PTPRK: variants seen among roughly 807,000 people sequenced by gnomAD.
PTPRK encodes protein tyrosine phosphatase receptor type K.
PTPRK carries 75 observed loss-of-function variants against 178.0 expected under a neutral mutation model. The observed-to-expected ratio is 0.42, with a 90% CI of 0.35 to 0.51. PTPRK has a LOEUF of 0.51. Among genes scored for constraint, PTPRK ranks in the 20% least tolerant of loss-of-function variants. PTPRK has a pLI of 0.02. For missense variants in PTPRK, 1,441 were observed against 1,797.8 expected, an observed-to-expected ratio of 0.80 and a Z score of 3.59; for synonymous variants, 637 against 620.6, an observed-to-expected ratio of 1.03 and a Z score of -0.39.
At chr6:128,090,730 C>T (rs569406550) in intron 7 of PTPRK, among the ~76,000 whole-genome samples, 42 of 152,152 alleles carry the variant, frequency 2.8e-4, no homozygotes, top group African/African-American at 9.7e-4. Context: ...TTCACTGCTT[C>T]CCAAGTGTAT....
At position 128,400,734 on chromosome 6, in the gene PTPRK, G is replaced by T. The variant is rs542925074; in HGVS notation, c.101-3046C>A. Among the ~76,000 whole-genome samples, 5 of 152,230 alleles carry T rather than the reference G, an allele frequency of 3.3e-5. No homozygotes were observed. The South Asian group carries it at 1.0e-3, about 32-fold the overall frequency. On this transcript the variant is annotated intron_variant, in intron 1 of 29. Coordinates refer to ENST00000368226, the MANE Select transcript of PTPRK (RefSeq NM_002844.4). ...CTAAACACCAAGTCCTCTATCATACGTGGTCCTCAATACATGTTCTTGAGT... is the reference window on the plus strand; with the variant it reads ...CTAAACACCAAGTCCTCTATCATACTTGGTCCTCAATACATGTTCTTGAGT...
chr6:127,996,862 A>G, intron 17 of PTPRK, 39 bp downstream of exon 17: 1 of 1,586,424 alleles, frequency 6.3e-7, no homozygotes, highest in Non-Finnish European at 8.6e-7. Context: ...ATATAAGCAT[A>G]TAATATTTAC....
At chr6:128,255,828 A>G (rs1817200493) in intron 3 of PTPRK, among the ~76,000 whole-genome samples, 1 of 152,246 alleles carries the variant, frequency 6.6e-6, no homozygotes, top group Admixed American at 6.5e-5. Context: ...AGAACCATTC[A>G]TCTAGGCTGA....
At chr6:128,368,526 A>G (rs1263055406) in intron 2 of PTPRK, among the ~76,000 whole-genome samples, 1 of 152,110 alleles carries the variant, frequency 6.6e-6, no homozygotes, top group African/African-American at 2.4e-5. Flanking sequence ...AAACTTTATC[A>G]TTCCTGTCAA....
At chr6:128,252,309 C>T (rs900846124) in intron 3 of PTPRK, among the ~76,000 whole-genome samples, 1 of 152,070 alleles carries the variant, frequency 6.6e-6, no homozygotes, top group African/African-American at 2.4e-5. Flanking sequence ...AGAGTGTATG[C>T]TAGTATGTTG....
At chr6:128,131,408 C>A (rs1480386933) in intron 7 of PTPRK, among the ~76,000 whole-genome samples, 1 of 152,144 alleles carries the variant, frequency 6.6e-6, no homozygotes, top group Non-Finnish European at 1.5e-5. Flanking sequence ...TGAACGACCA[C>A]TATGAATGCT....
At chr6:128,043,980 A>G (rs1195924125) in intron 13 of PTPRK, among the ~76,000 whole-genome samples, 2 of 152,016 alleles carry the variant, frequency 1.3e-5, no homozygotes, top group African/African-American at 4.8e-5. Context: ...AATGCCTACA[A>G]AAGAAACTAG....
At chr6:128,135,831 A>T (rs961650742) in intron 7 of PTPRK, among the ~76,000 whole-genome samples, 1 of 151,196 alleles carries the variant, frequency 6.6e-6, no homozygotes, top group African/African-American at 2.4e-5. Flanking sequence ...CTCAAAAAAT[A>T]AAAAAAAATA....
chr6:128,350,704 T>A (rs567208893), intron 2 of PTPRK, among the ~76,000 whole-genome samples: 1 of 152,358 alleles, frequency 6.6e-6, no homozygotes, highest in East Asian at 1.9e-4. Context: ...ACACTGGGCC[T>A]ATACGTCCAT....
intron 1 of PTPRK, among the ~76,000 whole-genome samples, chr6:128,482,436 G>A (rs1852216411): frequency 1.3e-5 from 2 of 152,226 alleles, no homozygotes; most frequent in South Asian, 4.1e-4. Flanking sequence ...GACATGGGAG[G>A]AAAAGGGGTG....
intron 4 of PTPRK, 68 bp downstream of exon 4, chr6:128,242,453 T>C (rs1814639822): frequency 2.5e-6 from 4 of 1,569,236 alleles, no homozygotes; most frequent in Non-Finnish European, 3.4e-6. Context: ...AAACAATCAA[T>C]AGTCACTGCC....
At chr6:128,329,711 C>T (rs1389878453) in intron 2 of PTPRK, among the ~76,000 whole-genome samples, 1 of 151,896 alleles carries the variant, frequency 6.6e-6, no homozygotes, top group African/African-American at 2.4e-5. Flanking sequence ...GGATGAGGCC[C>T]ACCCACAGTG....
rs1184412770 is a variant in PTPRK at position 128,036,187 on chromosome 6, G to C, written c.2195-26919C>G. On this transcript the variant is annotated intron_variant, in intron 13 of 29. Coordinates refer to ENST00000368226, the MANE Select transcript of PTPRK (RefSeq NM_002844.4). ...TGAGAAAGAGACACAGGCAACCAAGGCTTCTCCCAGGGCTGTGAGAGAATG... is the reference window on the plus strand; with the variant it reads ...TGAGAAAGAGACACAGGCAACCAAGCCTTCTCCCAGGGCTGTGAGAGAATG... Among the ~76,000 whole-genome samples, 11 of 152,234 alleles carry C rather than the reference G, an allele frequency of 7.2e-5. No homozygotes were observed. The East Asian group carries it at 1.9e-3, about 27-fold the overall frequency.
chr6:128,133,171 T>C (rs1265484781), intron 7 of PTPRK, among the ~76,000 whole-genome samples: 1 of 152,202 alleles, frequency 6.6e-6, no homozygotes, highest in East Asian at 1.9e-4. Context: ...TAATTTATAG[T>C]TTGATTTTTT....
intron 27 of PTPRK, among the ~76,000 whole-genome samples, chr6:127,975,481 C>T (rs1355354867): frequency 2.0e-5 from 3 of 152,212 alleles, no homozygotes; most frequent in South Asian, 2.1e-4. Context: ...CAGACACACA[C>T]GTAGTCATTT....
At chr6:128,459,646 C>G (rs1363858454) in intron 1 of PTPRK, among the ~76,000 whole-genome samples, 1 of 152,132 alleles carries the variant, frequency 6.6e-6, no homozygotes, top group Non-Finnish European at 1.5e-5. Context: ...AAGTAAGAAA[C>G]CTTCATGGGC....
At chr6:128,321,647 T>G (rs936236926) in intron 3 of PTPRK, 22 of 607,118 alleles carry the variant, frequency 3.6e-5, no homozygotes, top group Non-Finnish European at 5.8e-5. Flanking sequence ...ATCAGTCCAG[T>G]CTGAAGATTA....
chr6:128,000,544 A>C (rs984612184), intron 15 of PTPRK, among the ~76,000 whole-genome samples: 1 of 151,792 alleles, frequency 6.6e-6, no homozygotes, highest in African/African-American at 2.4e-5. Context: ...GATTTTGCCC[A>C]CCCCTCTACA....
chr6:128,188,483 A>G (rs1803151380), intron 6 of PTPRK, among the ~76,000 whole-genome samples: 1 of 152,158 alleles, frequency 6.6e-6, no homozygotes, highest in South Asian at 2.1e-4. Flanking sequence ...AATTAGATAA[A>G]TTAAATACCT....
Sources: allele counts gnomAD v4.1 joint callset (sites outside exome capture counted in the v4.1 genomes callset), GRCh38; gene constraint gnomAD v4.1.1; transcripts MANE v1.5; gene names NCBI Gene and HGNC (gene_info 2026-07-23, HGNC 2026-07-21).